Variants in RANBP9 observed in about 807,000 individuals in gnomAD.
RANBP9 encodes the protein ran-binding protein 9.
Under a neutral mutation model 84.3 loss-of-function variants are expected in RANBP9, and 15 were observed. The ratio of observed to expected loss-of-function variants is 0.18; its 90% confidence interval spans 0.12 to 0.27. RANBP9 has a LOEUF of 0.27. RANBP9 is among the 10% of genes least tolerant of loss of function. RANBP9 has a pLI of 1.00. For missense variants in RANBP9, 809 were observed against 912.8 expected (o/e 0.89, Z 1.46); for synonymous variants, 392 against 349.6 (o/e 1.12, Z -1.35).
At chr6:13,657,567 C>G (rs1765430399) in intron 3 of RANBP9, among the ~76,000 whole-genome samples, 1 of 152,198 alleles carries the variant, frequency 6.6e-6, no homozygotes. Context: ...GACACATTTT[C>G]TGTGCATATT....
chr6:13,691,667 T>C (rs1766324653), intron 2 of RANBP9, among the ~76,000 whole-genome samples: 1 of 151,970 alleles, frequency 6.6e-6, no homozygotes, highest in Non-Finnish European at 1.5e-5. Context: ...TGTTTGTTTG[T>C]ATGTTTGTTT....
At chr6:13,640,238 C>A (rs137880273) in intron 8 of RANBP9, among the ~76,000 whole-genome samples, 23 of 152,182 alleles carry the variant, frequency 1.5e-4, no homozygotes, top group South Asian at 4.1e-4. Flanking sequence ...ATTTGACTTA[C>A]AAAGGATATC....
intron 1 of RANBP9, among the ~76,000 whole-genome samples, chr6:13,708,862 G>C (rs1431820891): frequency 1.3e-5 from 2 of 151,386 alleles, no homozygotes; most frequent in African/African-American, 4.9e-5. Flanking sequence ...ACAGTAACAA[G>C]ACAAGAGGAA....
chr6:13,637,705 C>T (rs1374254712), intron 10 of RANBP9, 103 bp downstream of exon 10: 1 of 1,205,230 alleles, frequency 8.3e-7, no homozygotes, highest in African/African-American at 1.6e-5. Flanking sequence ...CTCCCAGAGC[C>T]CCTCTGTGGG....
intron 8 of RANBP9, among the ~76,000 whole-genome samples, chr6:13,640,529 GGATA>G (rs1765040339): frequency 6.6e-6 from 1 of 152,054 alleles, no homozygotes; most frequent in South Asian, 2.1e-4. Flanking sequence ...GTGGATGAAT[GGATA>G]AACAAAATGC....
At chr6:13,628,429 T>A (rs1168948790) in intron 12 of RANBP9, among the ~76,000 whole-genome samples, 1 of 152,182 alleles carries the variant, frequency 6.6e-6, no homozygotes, top group East Asian at 1.9e-4. Context: ...GTTGGAAACA[T>A]GGGTAGGGGT....
chr6:13,710,401 G>A (rs1758244114), intron 1 of RANBP9, among the ~76,000 whole-genome samples: 1 of 151,912 alleles, frequency 6.6e-6, no homozygotes, highest in Non-Finnish European at 1.5e-5. Flanking sequence ...GGCAAACTTG[G>A]GCCCCTTGTC....
At chr6:13,700,103 A>T (rs1004838890) in intron 1 of RANBP9, among the ~76,000 whole-genome samples, 1 of 152,206 alleles carries the variant, frequency 6.6e-6, no homozygotes, top group Non-Finnish European at 1.5e-5. Flanking sequence ...TTTAGAAGAA[A>T]ACATATGTAA....
chr6:13,648,466 C>G (rs924279325), intron 5 of RANBP9, among the ~76,000 whole-genome samples: 1 of 152,130 alleles, frequency 6.6e-6, no homozygotes, highest in East Asian at 1.9e-4. Flanking sequence ...AGCATGTTTT[C>G]AAGGTTCATC....
At chr6:13,642,194 T>C (rs1765081578) in intron 7 of RANBP9, among the ~76,000 whole-genome samples, 1 of 152,160 alleles carries the variant, frequency 6.6e-6, no homozygotes, top group Admixed American at 6.5e-5. Context: ...TTTTATTAAA[T>C]GTTTATTTCC....
chr6:13,658,595 G>A (rs1283224832), intron 3 of RANBP9, among the ~76,000 whole-genome samples, 185 bp downstream of exon 3: 1 of 152,178 alleles, frequency 6.6e-6, no homozygotes, highest in Admixed American at 6.5e-5. Context: ...GGGTGACACA[G>A]TGAGACTCTG....
chr6:13,634,312 C>A, intron 11 of RANBP9, 119 bp downstream of exon 11: 1 of 1,264,270 alleles, frequency 7.9e-7, no homozygotes, highest in Admixed American at 2.2e-5. Context: ...CTGTCAAGTC[C>A]TACAGCACAT....
At chr6:13,693,368 CTAT>C (rs1379627443) in intron 2 of RANBP9, among the ~76,000 whole-genome samples, 1 of 152,054 alleles carries the variant, frequency 6.6e-6, no homozygotes, top group Non-Finnish European at 1.5e-5. Context: ...CACTAGAAAC[CTAT>C]TATAATGGCT....
In RANBP9 at chr6:13,662,058, G is replaced by A. The variant is rs1765548060; in HGVS notation, c.684-3226C>T. Among the ~76,000 whole-genome samples, 3 of 152,042 alleles carry A rather than the reference G, an allele frequency of 2.0e-5. No individual in the cohort carries two copies. The South Asian group carries it at 6.2e-4, about 32-fold the overall frequency. ...TTACTATACACAGACTGTCACAAAA[G>A]AACTATCTGACGACATACTTTAGCA... is the stretch of plus-strand genomic sequence containing the variant. On this transcript the variant is annotated intron_variant, in intron 2 of 13. Coordinates refer to ENST00000011619, the MANE Select transcript of RANBP9 (RefSeq NM_005493.3).
intron 9 of RANBP9, 121 bp from the exon 10 acceptor site, chr6:13,638,076 A>G (rs1764983443): frequency 1.2e-6 from 1 of 827,904 alleles, no homozygotes; most frequent in African/African-American, 1.7e-5. Flanking sequence ...TCAATGGATG[A>G]TGTAAACAGG....
At chr6:13,667,770 T>C (rs1309828029) in intron 2 of RANBP9, among the ~76,000 whole-genome samples, 1 of 152,204 alleles carries the variant, frequency 6.6e-6, no homozygotes, top group Non-Finnish European at 1.5e-5. Flanking sequence ...GTATGGTCTA[T>C]ACCATTTAGG....
chr6:13,638,028 T>C, intron 9 of RANBP9, 73 bp from the exon 10 acceptor site: 1 of 1,374,458 alleles, frequency 7.3e-7, no homozygotes, highest in Non-Finnish European at 9.7e-7. Flanking sequence ...CAAGTCTCCA[T>C]GTTGATTTTG....
At position 13,681,111 on chromosome 6, in the gene RANBP9, T is replaced by C. The variant is rs144326616; in HGVS notation, c.683+15674A>G. On this transcript the variant is annotated intron_variant, in intron 2 of 13. Coordinates refer to ENST00000011619, the MANE Select transcript of RANBP9 (RefSeq NM_005493.3). Reference sequence around the variant, plus strand: ...TACAGAAAAAGCAATGACCTACTGATACACTCAACTACCTGGATGAGTATC... The same window carrying C: ...TACAGAAAAAGCAATGACCTACTGACACACTCAACTACCTGGATGAGTATC... Among the ~76,000 whole-genome samples the C allele has an allele frequency of 6.8e-3, 1,031 of 152,312 alleles. 12 individuals carry two copies. The highest frequency in any genetic ancestry group is 0.022 in the African/African-American group (918 of 41,564).
intron 2 of RANBP9, among the ~76,000 whole-genome samples, chr6:13,692,264 G>A (rs531027982): frequency 8.6e-5 from 13 of 151,968 alleles, no homozygotes; most frequent in Non-Finnish European, 1.6e-4. Flanking sequence ...GGCCAGGCGC[G>A]GTGGCTCACA....
Sources: gnomAD v4.1 joint callset for allele counts (sites outside exome capture counted in the v4.1 genomes callset) on GRCh38, gnomAD v4.1.1 for gene constraint, MANE v1.5 for transcripts, NCBI Gene and HGNC (gene_info 2026-07-23, HGNC 2026-07-21) for gene names.